GRIN2A: variants seen among roughly 807,000 people sequenced by gnomAD.
GRIN2A encodes glutamate ionotropic receptor NMDA type subunit 2A.
GRIN2A carries 22 observed loss-of-function variants against 113.4 expected under a neutral mutation model. That is an observed-to-expected ratio of 0.19 (90% CI 0.14 to 0.28). GRIN2A has a LOEUF of 0.28. GRIN2A is among the 10% of genes least tolerant of loss of function. The probability of loss-of-function intolerance (pLI) is 1.00; values close to 1 mark genes in which losing one functional copy is unlikely to be tolerated. For missense variants in GRIN2A, 1,502 were observed against 1,887.0 expected (o/e 0.80, Z 3.78); for synonymous variants, 827 against 738.4 (o/e 1.12, Z -1.94).
intron 3 of GRIN2A, among the ~76,000 whole-genome samples, chr16:9,893,211 C>T (rs2043732341): frequency 6.6e-6 from 1 of 152,108 alleles, no homozygotes; most frequent in African/African-American, 2.4e-5. Context: ...AGAGAAAATG[C>T]TTACTATTTA....
chr16:10,024,096 C>T (rs1199836401), intron 2 of GRIN2A, among the ~76,000 whole-genome samples: 1 of 152,200 alleles, frequency 6.6e-6, no homozygotes, highest in African/African-American at 2.4e-5. Context: ...GCATTCACCT[C>T]TCCCTAGGAC....
chr16:9,756,329 C>T lies in GRIN2A; in HGVS notation c.*6820G>A, dbSNP rs538688889. 4.3e-6 allele frequency: 1 copy of T among 229,954 alleles called. No homozygotes were observed. Among genetic ancestry groups the T allele is most frequent in the South Asian group, 1.8e-4 (1 of 5,488 alleles). The allele number at this position is 229,954 out of a possible 1,614,324, so 14.2% of individuals were successfully genotyped here. ...CAAGCATATGAAAGGGAGACACAAA[C>T]AGTGTTCAAGTCTCAGAAGGAACTA... is the stretch of plus-strand genomic sequence containing the variant. On this transcript the variant is annotated 3_prime_UTR_variant, in exon 13 of 13. Coordinates refer to ENST00000330684, the MANE Select transcript of GRIN2A (RefSeq NM_001134407.3).
chr16:10,034,564 A>AC (rs2046990824), intron 2 of GRIN2A, among the ~76,000 whole-genome samples: 1 of 134,308 alleles, frequency 7.4e-6, no homozygotes, highest in African/African-American at 2.8e-5. Context: ...AAAAAAAAAA[A>AC]CTGGCTCAGA....
intron 2 of GRIN2A, among the ~76,000 whole-genome samples, chr16:10,012,244 G>T (rs999902151): frequency 6.6e-6 from 1 of 152,122 alleles, no homozygotes; most frequent in African/African-American, 2.4e-5. Flanking sequence ...ATTCAATGTT[G>T]AATTGAACTG....
rs2141109042 is a variant in GRIN2A, at chr16:9,755,401, C to A, written c.*7748G>T. On this transcript the variant is annotated 3_prime_UTR_variant, in exon 13 of 13. Transcript: ENST00000330684. The stretch of plus-strand genomic sequence containing the variant: ...ACTTGTAGACCCAACAACAGGATCT[C>A]CAAATAACAAATAATAATCTTTCTG... 5.4e-6 allele frequency: 1 copy of A among 185,024 alleles called. No individual in the cohort carries two copies. Among genetic ancestry groups the A allele is most frequent in the African/African-American group, 2.3e-5 (1 of 42,716 alleles). 11.5% of individuals were successfully genotyped at this position (185,024 alleles called of 1,614,324 possible).
At position 10,016,116 on chromosome 16, in the gene GRIN2A, C is replaced by CA. The variant is rs140929988; in HGVS notation, c.415-77566dup. Among the ~76,000 whole-genome samples, 147 of 66,246 alleles carry CA rather than the reference C, an allele frequency of 2.2e-3. 1 individual carries two copies. Among genetic ancestry groups the CA allele is most frequent in the East Asian group, 9.6e-3 (23 of 2,398 alleles). 43.5% of individuals were successfully genotyped at this position (66,246 alleles called of 152,430 possible). On this transcript the variant is annotated intron_variant, in intron 2 of 12. Coordinates refer to ENST00000330684, the MANE Select transcript of GRIN2A (RefSeq NM_001134407.3). ...GGGTGACAAGAGTGAAACTCCATCT[C>CA]AAAAAAAAAAAAAAAAAAAAAAAAA...
chr16:10,174,055 G>A (rs1402937466), intron 2 of GRIN2A, among the ~76,000 whole-genome samples: 1 of 152,312 alleles, frequency 6.6e-6, no homozygotes, highest in East Asian at 1.9e-4. Flanking sequence ...CGGGACTCTA[G>A]GGTTTCAAGT....
intron 3 of GRIN2A, among the ~76,000 whole-genome samples, chr16:9,918,111 G>C (rs1294871597): frequency 6.6e-6 from 1 of 152,166 alleles, no homozygotes; most frequent in Non-Finnish European, 1.5e-5. Context: ...CCCCCACTGT[G>C]AGTGGGGACC....
intron 4 of GRIN2A, among the ~76,000 whole-genome samples, chr16:9,885,026 C>T (rs1396749165): frequency 4.6e-5 from 7 of 152,118 alleles, no homozygotes; most frequent in African/African-American, 1.4e-4. Context: ...TGTGAGCCAC[C>T]GTGCCCGGCT....
chr16:10,067,723 T>A (rs539474795), intron 2 of GRIN2A, among the ~76,000 whole-genome samples: 1 of 152,170 alleles, frequency 6.6e-6, no homozygotes, highest in Admixed American at 6.5e-5. Flanking sequence ...GGTTCTATAC[T>A]GGGGACACAT....
At chr16:10,111,799 T>C (rs7195607) in intron 2 of GRIN2A, 2 of 1,387,950 alleles carry the variant, frequency 1.4e-6, no homozygotes, top group Non-Finnish European at 2.0e-6. Flanking sequence ...GCATGGCTTC[T>C]CTTGCATCCT....
chr16:10,096,574 T>C (rs980846018), intron 2 of GRIN2A, among the ~76,000 whole-genome samples: 1 of 49,190 alleles, frequency 2.0e-5, no homozygotes, highest in African/African-American at 6.2e-5. Flanking sequence ...ACACACACAC[T>C]TTACTCTCTT....
At chr16:10,094,311 C>T (rs2048242093) in intron 2 of GRIN2A, among the ~76,000 whole-genome samples, 1 of 152,162 alleles carries the variant, frequency 6.6e-6, no homozygotes, top group Admixed American at 6.5e-5. Context: ...TTCTGCCACT[C>T]GCCTGCTGTG....
intron 2 of GRIN2A, among the ~76,000 whole-genome samples, chr16:10,094,789 G>A (rs1247165547): frequency 1.4e-5 from 2 of 147,526 alleles, no homozygotes; most frequent in African/African-American, 5.0e-5. Flanking sequence ...GACCCTTGGA[G>A]AAATGACTGA....
intron 10 of GRIN2A, among the ~76,000 whole-genome samples, chr16:9,804,086 C>T (rs957476576): frequency 2.0e-5 from 3 of 152,146 alleles, no homozygotes; most frequent in Admixed American, 2.0e-4. Context: ...ATAGTCTACT[C>T]CAGTCCATCG....
chr16:10,001,210 A>G (rs998586116), intron 2 of GRIN2A, among the ~76,000 whole-genome samples: 1 of 152,144 alleles, frequency 6.6e-6, no homozygotes, highest in Non-Finnish European at 1.5e-5. Context: ...CTATGAGTCT[A>G]TACAAAGAGT....
At chr16:10,058,967 G>A (rs574658647) in intron 2 of GRIN2A, among the ~76,000 whole-genome samples, 2 of 152,346 alleles carry the variant, frequency 1.3e-5, no homozygotes, top group Admixed American at 6.5e-5. Context: ...TATGGGGAAA[G>A]GGGAGGTTCA....
intron 2 of GRIN2A, among the ~76,000 whole-genome samples, chr16:10,034,719 C>G (rs1006976454): frequency 6.6e-6 from 1 of 151,984 alleles, no homozygotes; most frequent in Non-Finnish European, 1.5e-5. Context: ...TGGTCCTTGG[C>G]TTTCTTAAAG....
intron 2 of GRIN2A, among the ~76,000 whole-genome samples, chr16:10,001,955 G>T (rs901425601): frequency 5.9e-5 from 9 of 152,106 alleles, no homozygotes; most frequent in Non-Finnish European, 1.3e-4. Flanking sequence ...TAGATGCAGG[G>T]ATATTTATCA....
Sources: gnomAD v4.1 joint callset for allele counts (sites outside exome capture counted in the v4.1 genomes callset) on GRCh38, gnomAD v4.1.1 for gene constraint, MANE v1.5 for transcripts, NCBI Gene and HGNC (gene_info 2026-07-23, HGNC 2026-07-21) for gene names.